IL18RAP: variants seen among roughly 807,000 people sequenced by gnomAD.
The protein encoded by IL18RAP is interleukin-18 receptor accessory protein.
In IL18RAP, 37 loss-of-function variants were observed where a neutral mutation model predicts 58.1. The observed-to-expected ratio is 0.64, with a 90% CI of 0.49 to 0.84. The LOEUF is 0.84. Ranked by LOEUF, IL18RAP falls within the 40% of genes least tolerant of loss-of-function variation. The pLI, the probability that IL18RAP is intolerant of heterozygous loss-of-function variation, is 0.00. For missense variants in IL18RAP, 667 were observed against 704.8 expected (o/e 0.95, Z 0.61); for synonymous variants, 268 against 257.5 (o/e 1.04, Z -0.39).
Position 102,452,016 on chromosome 2 carries a change from T to G in IL18RAP, c.1635T>G (p.Val545=). ...TTACTTGGAGAGGCTTAAAATCAGT[T>G]CCTCCCAATTCTAGGTTCTGGGCCA... The part of the protein sequence containing the change: ...PTVTWRGLKS[V]PPNSRFWAKM... The change falls in exon 10 of 10, where the codon GTT becomes GTG. Residue 545 remains valine (V), a synonymous_variant. Coordinates refer to ENST00000687160, the MANE Select transcript of IL18RAP (RefSeq NM_001393487.1). 6.2e-7 allele frequency: 1 copy of G among 1,614,076 alleles called. No homozygotes were observed. The highest frequency in any genetic ancestry group is 8.5e-7 in the Non-Finnish European group (1 of 1,180,036).
In IL18RAP at chr2:102,445,270, GT is replaced by G. The variant is rs1683345243; in HGVS notation, c.1005del (p.Phe335LeufsTer18). ...TCACTCAGCGTGATCTTCGCAGGAA[GT>G]TTGTTTGCTTTGTCCAGAACTCCAT... ...KVTQRDLRRK[F>X]VCFVQNSIGN... On this transcript the variant is annotated frameshift_variant, in exon 7 of 10. Coordinates refer to ENST00000687160, the MANE Select transcript of IL18RAP (RefSeq NM_001393487.1). LOFTEE classifies it high-confidence loss of function. The G allele has an allele frequency of 6.2e-7, 1 of 1,614,078 alleles. No individual in the cohort carries two copies. Among genetic ancestry groups the G allele is most frequent in the Non-Finnish European group, 8.5e-7 (1 of 1,180,024 alleles).
intron 3 of IL18RAP, among the ~76,000 whole-genome samples, chr2:102,432,764 G>A (rs1172119923): frequency 6.6e-6 from 1 of 152,304 alleles, no homozygotes; most frequent in South Asian, 2.1e-4. Flanking sequence ...CTGGAGCCTG[G>A]CTGGGTCACC....
At chr2:102,430,410 A>G (rs1446252140) in intron 3 of IL18RAP, among the ~76,000 whole-genome samples, 1 of 151,916 alleles carries the variant, frequency 6.6e-6, no homozygotes, top group African/African-American at 2.4e-5. Context: ...TGTATGGAAT[A>G]TCTTTGTCCG....
intron 5 of IL18RAP, 102 bp downstream of exon 5, chr2:102,441,479 T>G: frequency 1.1e-6 from 1 of 892,910 alleles, no homozygotes. Context: ...CAAACAGAAT[T>G]GGGTGTGAAT....
Position 102,451,942 on chromosome 2 carries a change from G to A in IL18RAP, c.1561G>A (p.Glu521Lys). The A allele has an allele frequency of 6.2e-7, 1 of 1,614,178 alleles. No homozygotes were observed. Among genetic ancestry groups the A allele is most frequent in the Middle Eastern group, 1.6e-4 (1 of 6,062 alleles). The change falls in exon 10 of 10, where the codon GAG becomes AAG. Residue 521 changes from glutamate to lysine, a missense_variant. Glu to Lys is a moderately conservative substitution (Grantham distance 56). Transcript: ENST00000687160. Reference sequence around the variant, plus strand: ...TAAGTTCTGTTACTTCCAAGAGCCAGAGTCTCTACCTCATCTCGTGAAAAA... The same window carrying A: ...TAAGTTCTGTTACTTCCAAGAGCCAAAGTCTCTACCTCATCTCGTGAAAAA... ...LIKFCYFQEP[E>K]SLPHLVKKAL... is the part of the protein sequence containing the mutation.
rs376304294 is a variant in IL18RAP, at chr2:102,437,191, T to C, written c.580-21T>C. The C allele has an allele frequency of 6.3e-6, 10 of 1,594,378 alleles. No individual in the cohort carries two copies. The African/African-American group carries it at 1.2e-4, about 19-fold the overall frequency. ...GTTTTTCTGTGGCAAATTTATCTGC[T>C]TAAAATATCTTTTGGATTAGAATGG... On this transcript the variant is annotated intron_variant, in intron 3 of 9. Coordinates refer to ENST00000687160, the MANE Select transcript of IL18RAP (RefSeq NM_001393487.1).
At chr2:102,423,756 C>A (rs1423877407) in intron 1 of IL18RAP, 55 bp from the exon 2 acceptor site, 2 of 1,257,528 alleles carry the variant, frequency 1.6e-6, no homozygotes, top group Non-Finnish European at 2.3e-6. Context: ...TAAATATAAG[C>A]TAGAATTCCA....
intron 8 of IL18RAP, among the ~76,000 whole-genome samples, chr2:102,450,236 T>C (rs960207431): frequency 6.6e-6 from 1 of 152,294 alleles, no homozygotes; most frequent in African/African-American, 2.4e-5. Context: ...GTTATATACA[T>C]ATAGTTTTCC....
chr2:102,433,620 A>G (rs777531512), intron 3 of IL18RAP, among the ~76,000 whole-genome samples: 7 of 152,102 alleles, frequency 4.6e-5, no homozygotes, highest in Non-Finnish European at 2.9e-5. Context: ...GACTTGGCTC[A>G]CTGCAACCTC....
At chr2:102,439,030 G>A (rs1682934670) in intron 4 of IL18RAP, 1 of 152,262 alleles carries the variant, frequency 6.6e-6, no homozygotes, top group African/African-American at 2.4e-5. Flanking sequence ...CAGAGCTGAT[G>A]TCCAGGAGAT....
At position 102,452,046 on chromosome 2, in the gene IL18RAP, G is replaced by A. The variant is rs764892857; in HGVS notation, c.1665G>A (p.Met555Ile). The change falls in exon 10 of 10, where the codon ATG becomes ATA. Residue 555 changes from methionine to isoleucine, a missense_variant. By Grantham distance (10) the Met-to-Ile change is conservative. Transcript: ENST00000687160. ...CCAATTCTAGGTTCTGGGCCAAAAT[G>A]CGCTACCACATGCCTGTGAAAAACT... ...VPPNSRFWAK[M>I]RYHMPVKNSQ... 6.2e-6 allele frequency: 10 copies of A among 1,614,020 alleles called. No homozygotes were observed. The highest frequency in any genetic ancestry group is 3.3e-5 in the South Asian group (3 of 91,076).
Position 102,451,850 on chromosome 2 carries a change from G to C in IL18RAP, c.1469G>C (p.Ser490Thr). 1.2e-6 allele frequency: 2 copies of C among 1,614,154 alleles called. No individual in the cohort carries two copies. Among genetic ancestry groups the C allele is most frequent in the South Asian group, 2.2e-5 (2 of 91,088 alleles). ...AGCCCCAACTATGTCAATGGACCCA[G>C]TATCTTTGAACTACAAGCAGCAGTG... ...ILSPNYVNGP[S>T]IFELQAAVNL... The change falls in exon 10 of 10, where the codon AGT becomes ACT. Residue 490 changes from serine (S) to threonine (T), a missense_variant. Physicochemically the swap from Ser to Thr is moderately conservative, Grantham distance 58. Coordinates refer to ENST00000687160, the MANE Select transcript of IL18RAP (RefSeq NM_001393487.1).
rs138870268 is a variant in IL18RAP, at chr2:102,423,689, G to A, written c.71-122G>A. The A allele has an allele frequency of 8.9e-4, 676 of 756,494 alleles. 4 individuals carry two copies. The highest frequency in any genetic ancestry group is 1.3e-4 in the Non-Finnish European group (62 of 462,848). The allele number at this position is 756,494 out of a possible 1,614,324, so 46.9% of individuals were successfully genotyped here. ...CTTCCTTTCCCCTACAAAATAGACA[G>A]TGAAGAAGAAAGACACACAAGGAAG... On this transcript the variant is annotated intron_variant, in intron 1 of 9. Transcript: ENST00000687160.
intron 3 of IL18RAP, among the ~76,000 whole-genome samples, chr2:102,429,728 C>T (rs1296895226): frequency 3.9e-5 from 6 of 152,008 alleles, no homozygotes; most frequent in Non-Finnish European, 5.9e-5. Context: ...TCCCTCAGGA[C>T]TGCTTTCGCT....
At chr2:102,436,480 C>T (rs1682746546) in intron 3 of IL18RAP, among the ~76,000 whole-genome samples, 1 of 152,186 alleles carries the variant, frequency 6.6e-6, no homozygotes, top group Non-Finnish European at 1.5e-5. Context: ...TGCCCCCACC[C>T]TTAGTCTCCT....
chr2:102,422,609 C>T (rs1681644861), upstream of IL18RAP, among the ~76,000 whole-genome samples: 1 of 152,214 alleles, frequency 6.6e-6, no homozygotes, highest in Non-Finnish European at 1.5e-5. Context: ...GTCCTTTGGA[C>T]ACAGCCCAGA....
In IL18RAP at chr2:102,451,051, G is replaced by A. The variant is rs1252915183; in HGVS notation, c.1384+30G>A. The A allele has an allele frequency of 5.8e-6, 9 of 1,547,528 alleles. No individual in the cohort carries two copies. The South Asian group carries it at 1.0e-4, about 17-fold the overall frequency. Reference sequence around the variant, plus strand: ...GTCCAACATGTCAAGAAAAACTGCAGTGCAAAAAGGGCAGTTCAATGCAAT... The same window carrying A: ...GTCCAACATGTCAAGAAAAACTGCAATGCAAAAAGGGCAGTTCAATGCAAT... On this transcript the variant is annotated intron_variant, in intron 9 of 9. Coordinates refer to ENST00000687160, the MANE Select transcript of IL18RAP (RefSeq NM_001393487.1).
Position 102,451,932 on chromosome 2 carries a change from CCAAGAGCCAG to C in IL18RAP, c.1552_1561del (p.Gln518SerfsTer7). The C allele has an allele frequency of 1.2e-6, 2 of 1,614,168 alleles. No individual in the cohort carries two copies. The highest frequency in any genetic ancestry group is 1.7e-6 in the Non-Finnish European group (2 of 1,180,028). On this transcript the variant is annotated frameshift_variant, in exon 10 of 10. Transcript: ENST00000687160. LOFTEE classifies it low-confidence loss of function (END_TRUNC). ...TCATTTTAATTAAGTTCTGTTACTT[CCAAGAGCCAG>C]AGTCTCTACCTCATCTCGTGAAAAA...
intron 3 of IL18RAP, among the ~76,000 whole-genome samples, chr2:102,426,415 C>T (rs957945337): frequency 6.1e-5 from 8 of 130,336 alleles, no homozygotes; most frequent in Admixed American, 5.3e-4. Flanking sequence ...TAAGAACAGG[C>T]TTGCAGATTG....
Sources: allele counts gnomAD v4.1 joint callset (sites outside exome capture counted in the v4.1 genomes callset), GRCh38; gene constraint gnomAD v4.1.1; transcripts MANE v1.5; gene names NCBI Gene and HGNC (gene_info 2026-07-23, HGNC 2026-07-21).